KCTD5: variants seen among roughly 807,000 people sequenced by gnomAD.
The protein encoded by KCTD5 is potassium channel tetramerization domain containing 5, also known as BTB/POZ domain-containing protein KCTD5.
KCTD5 carries 12 observed loss-of-function variants against 27.9 expected under a neutral mutation model. The observed-to-expected ratio is 0.43, with a 90% CI of 0.28 to 0.70. The LOEUF (loss-of-function observed/expected upper bound fraction) is 0.70, where lower values mean the gene tolerates loss of function less well. Ranked by LOEUF, KCTD5 falls within the 30% of genes least tolerant of loss-of-function variation. The probability of loss-of-function intolerance (pLI) is 0.19; values close to 1 mark genes in which losing one functional copy is unlikely to be tolerated. For missense variants in KCTD5, 226 were observed against 274.8 expected, an observed-to-expected ratio of 0.82 and a Z score of 1.26; for synonymous variants, 147 against 121.4, an observed-to-expected ratio of 1.21 and a Z score of -1.39.
rs75091047 is a variant in KCTD5, at chr16:2,700,055, G to A, written c.549+139G>A. 700 of 746,788 alleles carry A rather than the reference G, an allele frequency of 9.4e-4. 4 individuals carry two copies. In the African/African-American group the frequency reaches 0.011, roughly 12 times the overall value. The allele number at this position is 746,788 out of a possible 1,614,324, so 46.3% of individuals were successfully genotyped here. On this transcript the variant is annotated intron_variant, in intron 4 of 5. Transcript: ENST00000301738. ...CAGTTCTGGGGGTGCTCACGGCAGC[G>A]ACCTGTGCCCTGTTTCCACTGGAGG...
At chr16:2,685,413 C>T (rs1330453970) in intron 1 of KCTD5, among the ~76,000 whole-genome samples, 2 of 151,100 alleles carry the variant, frequency 1.3e-5, no homozygotes, top group Non-Finnish European at 1.5e-5. Context: ...GGCGACAGAT[C>T]GAGACTCTGT....
intron 4 of KCTD5, among the ~76,000 whole-genome samples, chr16:2,701,765 G>C (rs2142058487): frequency 6.6e-6 from 1 of 152,340 alleles, no homozygotes; most frequent in Non-Finnish European, 1.5e-5. Flanking sequence ...AGAAGTGCCT[G>C]GTGGCCCAGG....
At position 2,707,560 on chromosome 16, in the gene KCTD5, TGGG is replaced by T. The variant is rs1402827922; in HGVS notation, c.*238_*240del. The T allele has an allele frequency of 1.6e-6, 1 of 636,046 alleles. No homozygotes were observed. Among genetic ancestry groups the T allele is most frequent in the Admixed American group, 2.5e-5 (1 of 39,898 alleles). The allele number at this position is 636,046 out of a possible 1,614,324, so 39.4% of individuals were successfully genotyped here. ...CGGCGGCCGGGTGGGCGCTGCCTCT[TGGG>T]GGGGCCTCGCTCTGTTTTTTCCAAG... is the stretch of plus-strand genomic sequence containing the variant. On this transcript the variant is annotated 3_prime_UTR_variant, in exon 6 of 6. Coordinates refer to ENST00000301738, the MANE Select transcript of KCTD5 (RefSeq NM_018992.4).
intron 1 of KCTD5, among the ~76,000 whole-genome samples, chr16:2,685,386 C>T (rs2067536402): frequency 6.6e-6 from 1 of 151,682 alleles, no homozygotes; most frequent in South Asian, 2.1e-4. Context: ...GAGGTTGCGC[C>T]ACTGCACTCC....
intron 4 of KCTD5, among the ~76,000 whole-genome samples, chr16:2,700,788 T>C (rs918331608): frequency 1.4e-5 from 2 of 146,272 alleles, no homozygotes; most frequent in Non-Finnish European, 3.0e-5. Flanking sequence ...TAGATCACAT[T>C]GTAGGGTACT....
chr16:2,690,325 G>A (rs1220821009), intron 1 of KCTD5, among the ~76,000 whole-genome samples: 1 of 152,170 alleles, frequency 6.6e-6, no homozygotes, highest in Non-Finnish European at 1.5e-5. Context: ...TCTGTGGTTT[G>A]GCAACTGTCC....
At position 2,705,665 on chromosome 16, in the gene KCTD5, G is replaced by A. The variant is rs937762484; in HGVS notation, c.676-1633G>A. Among the ~76,000 whole-genome samples, 8 of 152,304 alleles carry A rather than the reference G, an allele frequency of 5.3e-5. 1 individual carries two copies. The highest frequency in any genetic ancestry group is 4.1e-4 in the South Asian group (2 of 4,826). On this transcript the variant is annotated intron_variant, in intron 5 of 5. Coordinates refer to ENST00000301738, the MANE Select transcript of KCTD5 (RefSeq NM_018992.4). The stretch of plus-strand genomic sequence containing the variant: ...TGTCCTGCAAGCCCCTCAGCCACCC[G>A]GGCCTGCCTGCCTGTGGGGGTGTCT...
chr16:2,701,296 C>T (rs1447101353), intron 4 of KCTD5, among the ~76,000 whole-genome samples: 7 of 152,200 alleles, frequency 4.6e-5, no homozygotes, highest in African/African-American at 2.4e-5. Flanking sequence ...TTGGGGACCC[C>T]TTCTCCCAGT....
intron 1 of KCTD5, among the ~76,000 whole-genome samples, chr16:2,693,100 C>A (rs1295668334): frequency 6.6e-6 from 1 of 152,226 alleles, no homozygotes; most frequent in Non-Finnish European, 1.5e-5. Context: ...GATGGCTGTG[C>A]CACTGGCTGG....
intron 4 of KCTD5, among the ~76,000 whole-genome samples, chr16:2,701,002 C>T (rs917657725): frequency 6.6e-5 from 10 of 152,326 alleles, no homozygotes; most frequent in African/African-American, 2.4e-4. Context: ...GGGCGAGCCC[C>T]ACCTCCCAGT....
intron 1 of KCTD5, among the ~76,000 whole-genome samples, chr16:2,690,982 GCCT>G (rs2067564008): frequency 6.6e-6 from 1 of 152,192 alleles, no homozygotes; most frequent in Admixed American, 6.5e-5. Flanking sequence ...AGGCCCTCGC[GCCT>G]GGGCTGGGCA....
At chr16:2,703,128 G>T (rs538905306) in intron 5 of KCTD5, among the ~76,000 whole-genome samples, 3 of 152,304 alleles carry the variant, frequency 2.0e-5, no homozygotes, top group African/African-American at 7.2e-5. Context: ...AGGGACCCCT[G>T]CCTCGTTTGC....
At position 2,707,627 on chromosome 16, in the gene KCTD5, G is replaced by T. The variant is rs1356184464; in HGVS notation, c.*300G>T. 1 of 600,478 alleles carries T rather than the reference G, an allele frequency of 1.7e-6. No individual in the cohort carries two copies. Among genetic ancestry groups the T allele is most frequent in the Non-Finnish European group, 3.0e-6 (1 of 337,348 alleles). 37.2% of individuals were successfully genotyped at this position (600,478 alleles called of 1,614,324 possible). A position where few individuals can be genotyped will look rare whatever the true frequency, so the allele number is the denominator to read the frequency against. Reference sequence around the variant, plus strand: ...TGAGGCAGACACTCCCAGTCAGCCCGCTCGATCCTGAAGATCGTGTGAAGG... The same window carrying T: ...TGAGGCAGACACTCCCAGTCAGCCCTCTCGATCCTGAAGATCGTGTGAAGG... On this transcript the variant is annotated 3_prime_UTR_variant, in exon 6 of 6. Coordinates refer to ENST00000301738, the MANE Select transcript of KCTD5 (RefSeq NM_018992.4).
intron 4 of KCTD5, among the ~76,000 whole-genome samples, chr16:2,702,060 CTG>C (rs2067614408): frequency 6.6e-6 from 1 of 152,210 alleles, no homozygotes; most frequent in South Asian, 2.1e-4. Flanking sequence ...AGGGACCCGT[CTG>C]TGCTCCGTCC....
chr16:2,704,927 G>T (rs2067628536), intron 5 of KCTD5, among the ~76,000 whole-genome samples: 1 of 152,216 alleles, frequency 6.6e-6, no homozygotes, highest in African/African-American at 2.4e-5. Flanking sequence ...GGTGGGACAG[G>T]ACCAGCCCCG....
At chr16:2,704,518 G>A (rs1043648468) in intron 5 of KCTD5, among the ~76,000 whole-genome samples, 2 of 152,238 alleles carry the variant, frequency 1.3e-5, no homozygotes, top group Non-Finnish European at 2.9e-5. Context: ...TTGCTAGAAG[G>A]ACTCGCAGAG....
intron 3 of KCTD5, chr16:2,699,156 G>A (rs1373810228): frequency 2.2e-6 from 1 of 456,110 alleles, no homozygotes; most frequent in South Asian, 1.5e-5. Context: ...TTTCCGTCCA[G>A]CCCCGTCTGC....
intron 3 of KCTD5, chr16:2,699,245 G>A (rs919112333): frequency 2.2e-5 from 10 of 455,812 alleles, no homozygotes; most frequent in African/African-American, 2.0e-4. Flanking sequence ...CAGGCGGGCG[G>A]CCCTGGTGGC....
chr16:2,703,678 G>A (rs1313914812), intron 5 of KCTD5, among the ~76,000 whole-genome samples: 1 of 152,232 alleles, frequency 6.6e-6, no homozygotes. Flanking sequence ...TCAGGCGACT[G>A]TCCTGGCCCA....
Sources: gnomAD v4.1 joint callset for allele counts (sites outside exome capture counted in the v4.1 genomes callset) on GRCh38, gnomAD v4.1.1 for gene constraint, MANE v1.5 for transcripts, NCBI Gene and HGNC (gene_info 2026-07-23, HGNC 2026-07-21) for gene names.